SLC26A4: variants seen among roughly 807,000 people sequenced by gnomAD.
The protein encoded by SLC26A4 is solute carrier family 26 member 4.
SLC26A4 carries 93 observed loss-of-function variants against 90.4 expected under a neutral mutation model. The ratio of observed to expected loss-of-function variants is 1.03; its 90% CI spans 0.87 to 1.22. SLC26A4 has a LOEUF of 1.22. Ranked by LOEUF, SLC26A4 falls within the 50% of genes most tolerant of loss-of-function variation. SLC26A4 has a pLI of 0.00. For synonymous variants in SLC26A4, 393 were observed against 354.6 expected, an observed-to-expected ratio of 1.11 and a Z score of -1.22; for missense variants, 1,127 against 946.2, an observed-to-expected ratio of 1.19 and a Z score of -2.51.
At chr7:107,707,136 C>A (rs775397384) in intron 18 of SLC26A4, among the ~76,000 whole-genome samples, 11 of 150,674 alleles carry the variant, frequency 7.3e-5, no homozygotes, top group Admixed American at 4.6e-4. Flanking sequence ...GACCCTGTCT[C>A]AAAAAATAAA....
In SLC26A4 at chr7:107,661,920, G is replaced by A. The variant is rs1486900493; in HGVS notation, c.164+115G>A. 1 of 1,193,586 alleles carries A rather than the reference G, an allele frequency of 8.4e-7. No homozygotes were observed. Among genetic ancestry groups the A allele is most frequent in the Non-Finnish European group, 1.1e-6 (1 of 873,846 alleles). The allele number at this position is 1,193,586 out of a possible 1,614,324, so 73.9% of individuals were successfully genotyped here. A position where few individuals can be genotyped will look rare whatever the true frequency, so the allele number is the denominator to read the frequency against. Reference sequence around the variant, plus strand: ...GGTGCGGGCGGCGGAGCCCCTGGGCGCCAGCTGCTTCTCCCAGAGGCCCGA... The same window carrying A: ...GGTGCGGGCGGCGGAGCCCCTGGGCACCAGCTGCTTCTCCCAGAGGCCCGA... On this transcript the variant is annotated intron_variant, in intron 2 of 20. Transcript: ENST00000644269. This position sits in a 1 kb window ranked among gnomAD's most constrained non-coding sequence, Gnocchi z 5.1.
chr7:107,669,574 C>T (rs1429531727), intron 3 of SLC26A4, among the ~76,000 whole-genome samples: 2 of 152,170 alleles, frequency 1.3e-5, no homozygotes, highest in African/African-American at 4.8e-5. Flanking sequence ...CTGACTATTG[C>T]AATTCCTGTT....
intron 3 of SLC26A4, among the ~76,000 whole-genome samples, chr7:107,671,782 C>T (rs1320514389): frequency 6.6e-6 from 1 of 152,202 alleles, no homozygotes; most frequent in Non-Finnish European, 1.5e-5. Context: ...GCAAGTTGAA[C>T]ATATTTTAAG....
At chr7:107,705,092 G>C (rs1390535663) in intron 18 of SLC26A4, among the ~76,000 whole-genome samples, 2 of 152,190 alleles carry the variant, frequency 1.3e-5, no homozygotes, top group Admixed American at 1.3e-4. Flanking sequence ...GCTACTAAAA[G>C]CTGCAAAGCT....
At chr7:107,695,335 G>C (rs961942245) in intron 12 of SLC26A4, among the ~76,000 whole-genome samples, 1 of 152,138 alleles carries the variant, frequency 6.6e-6, no homozygotes, top group Admixed American at 6.6e-5. Flanking sequence ...GGTGGAGAAG[G>C]GGGAGGGTTG....
At chr7:107,671,776 G>C (rs985653067) in intron 3 of SLC26A4, among the ~76,000 whole-genome samples, 2 of 152,194 alleles carry the variant, frequency 1.3e-5, no homozygotes, top group East Asian at 1.9e-4. Flanking sequence ...CCCATTGCAA[G>C]TTGAACATAT....
chr7:107,661,918 G>A lies in SLC26A4; in HGVS notation c.164+113G>A. The A allele has an allele frequency of 1.6e-6, 2 of 1,212,966 alleles. No homozygotes were observed. Among genetic ancestry groups the A allele is most frequent in the East Asian group, 2.6e-5 (1 of 38,412 alleles). The allele number at this position is 1,212,966 out of a possible 1,614,324, so 75.1% of individuals were successfully genotyped here. On this transcript the variant is annotated intron_variant, in intron 2 of 20. Coordinates refer to ENST00000644269, the MANE Select transcript of SLC26A4 (RefSeq NM_000441.2). The surrounding 1 kb of genome is among the most constrained non-coding windows in gnomAD (Gnocchi z 5.1). ...GGGGTGCGGGCGGCGGAGCCCCTGG[G>A]CGCCAGCTGCTTCTCCCAGAGGCCC... is the stretch of plus-strand genomic sequence containing the variant.
At chr7:107,663,037 A>AT (rs1206207093) in intron 2 of SLC26A4, among the ~76,000 whole-genome samples, 1 of 152,070 alleles carries the variant, frequency 6.6e-6, no homozygotes, top group East Asian at 1.9e-4. Flanking sequence ...GTGTAGGAAT[A>AT]TTTTTTCAGA....
In SLC26A4 at chr7:107,675,058, T is replaced by C; in HGVS notation, c.714T>C (p.Ile238=). The change falls in exon 6 of 21, where the codon ATT becomes ATC. Residue 238 remains isoleucine, a synonymous_variant. Transcript: ENST00000644269. ...AFQVLVSQLK[I]VLNVSTKNYN... ...AAGTGCTGGTCTCACAGCTAAAGAT[T>C]GTCCTCAATGTTTCAACCAAAAACT... 2 of 1,613,928 alleles carry C rather than the reference T, an allele frequency of 1.2e-6. No homozygotes were observed.
intron 3 of SLC26A4, among the ~76,000 whole-genome samples, chr7:107,664,351 C>A (rs1790652896): frequency 6.6e-6 from 1 of 152,180 alleles, no homozygotes; most frequent in Admixed American, 6.5e-5. Context: ...TGTGCCTCAG[C>A]CTTCTGAGTA....
Position 107,683,541 on chromosome 7 carries a change from A to AGTGTG in SLC26A4, c.1001+9_1001+13dup. On this transcript the variant is annotated splice_donor_region_variant and intron_variant, in intron 8 of 20. Coordinates refer to ENST00000644269, the MANE Select transcript of SLC26A4 (RefSeq NM_000441.2). ...TTGTTAAATCCATCCCAAGGGGGTG[A>AGTGTG]GTGTGGTGTTCCTCTTAGTACTAAT... 1.2e-6 allele frequency: 2 copies of AGTGTG among 1,612,350 alleles called. No individual in the cohort carries two copies. Among genetic ancestry groups the AGTGTG allele is most frequent in the Non-Finnish European group, 1.7e-6 (2 of 1,178,546 alleles).
rs771467684 is a variant in SLC26A4 at position 107,689,151 on chromosome 7, T to C, written c.1100T>C (p.Val367Ala). 16 of 1,613,770 alleles carry C rather than the reference T, an allele frequency of 9.9e-6. No homozygotes were observed. Among genetic ancestry groups the C allele is most frequent in the South Asian group, 9.9e-5 (9 of 91,090 alleles). Residue 367 changes from valine to alanine, a missense_variant, in exon 9 of 21, where the codon GTA becomes GCA. Physicochemically the swap from Val to Ala is moderately conservative, Grantham distance 64. Coordinates refer to ENST00000644269, the MANE Select transcript of SLC26A4 (RefSeq NM_000441.2). ...AVVAYAIAVSVGKVYATKYDY... is the reference protein window; with the variant it reads ...AVVAYAIAVSAGKVYATKYDY... ...GTGGCTTATGCTATTGCAGTGTCAG[T>C]AGGAAAAGTATATGCCACCAAGTAT...
At chr7:107,670,260 C>T (rs1002781317) in intron 3 of SLC26A4, among the ~76,000 whole-genome samples, 3 of 151,966 alleles carry the variant, frequency 2.0e-5, no homozygotes, top group Non-Finnish European at 4.4e-5. Context: ...AGGTGCCTAC[C>T]CCCATGCCTG....
chr7:107,687,768 C>T (rs1030213382), intron 8 of SLC26A4, among the ~76,000 whole-genome samples: 2 of 152,134 alleles, frequency 1.3e-5, no homozygotes, highest in Non-Finnish European at 2.9e-5. Flanking sequence ...TCCGAGTGAC[C>T]TGAAGTAGGG....
At chr7:107,691,386 C>G (rs976314780) in intron 10 of SLC26A4, among the ~76,000 whole-genome samples, 2 of 151,806 alleles carry the variant, frequency 1.3e-5, no homozygotes, top group African/African-American at 4.8e-5. Context: ...CCTGTAATCC[C>G]AGCTACTTGG....
rs34694220 is a variant in SLC26A4 at position 107,713,909 on chromosome 7, GTATTATTAT to G, written c.2319+1301_2319+1309del. Among the ~76,000 whole-genome samples, 249 of 149,008 alleles carry G rather than the reference GTATTATTAT, an allele frequency of 1.7e-3. 1 individual carries two copies. The highest frequency in any genetic ancestry group is 5.8e-3 in the African/African-American group (234 of 40,228). The stretch of plus-strand genomic sequence containing the variant: ...CTGACATAATTTTGTATTATTATTA[GTATTATTAT>G]TATTATTATTATTTGTGACTGAGTC... On this transcript the variant is annotated intron_variant, in intron 20 of 20. Coordinates refer to ENST00000644269, the MANE Select transcript of SLC26A4 (RefSeq NM_000441.2).
chr7:107,675,452 A>T (rs1202880836), intron 6 of SLC26A4, among the ~76,000 whole-genome samples: 1 of 151,726 alleles, frequency 6.6e-6, no homozygotes, highest in African/African-American at 2.4e-5. Flanking sequence ...GGCTGCAGTG[A>T]GCTGTGATCG....
Position 107,674,150 on chromosome 7 carries a change from CTT to C in SLC26A4, c.416-8_416-7del. 2.5e-6 allele frequency: 4 copies of C among 1,613,224 alleles called. No homozygotes were observed. The highest frequency in any genetic ancestry group is 3.4e-6 in the Non-Finnish European group (4 of 1,179,230). On this transcript the variant is annotated splice_polypyrimidine_tract_variant and intron_variant, in intron 4 of 20. Coordinates refer to ENST00000644269, the MANE Select transcript of SLC26A4 (RefSeq NM_000441.2). ...TTAATAACTGATTAATTGTTAGAGA[CTT>C]TTTTTCCCCAGGACCTTTTCCAGTG...
chr7:107,661,349 G>C lies in SLC26A4; in HGVS notation c.-3-290G>C, dbSNP rs570701416. 2.8e-5 allele frequency: 15 copies of C among 533,230 alleles called. No individual in the cohort carries two copies. In the East Asian group the frequency reaches 4.7e-4, roughly 17 times the overall value. The allele number at this position is 533,230 out of a possible 1,614,324, so 33.0% of individuals were successfully genotyped here. ...GGCCATAGGGGACTGGGTGGAACTC[G>C]GGAAGCCCCCAGAGCAGGGGCTTAC... On this transcript the variant is annotated intron_variant, in intron 1 of 20. Coordinates refer to ENST00000644269, the MANE Select transcript of SLC26A4 (RefSeq NM_000441.2). This position sits in a 1 kb window ranked among gnomAD's most constrained non-coding sequence, Gnocchi z 5.1.
Sources: gnomAD v4.1 joint callset for allele counts (sites outside exome capture counted in the v4.1 genomes callset) on GRCh38, gnomAD v4.1.1 for gene constraint, Gnocchi (gnomAD v3.1) non-coding constraint, MANE v1.5 for transcripts, NCBI Gene and HGNC (gene_info 2026-07-23, HGNC 2026-07-21) for gene names.